The following INTS4 variants were observed in gnomAD, a reference collection of about 807,000 sequenced individuals.
INTS4 encodes integrator complex subunit 4, also known as MSTP093.
INTS4 carries 70 observed loss-of-function variants against 119.5 expected under a neutral mutation model. The observed-to-expected ratio is 0.59, with a 90% CI of 0.48 to 0.71. The LOEUF (loss-of-function observed/expected upper bound fraction) is 0.71. Ranked by LOEUF, INTS4 falls within the 30% of genes least tolerant of loss-of-function variation. INTS4 has a pLI of 0.00. For missense variants in INTS4, 867 were observed against 1,173.2 expected (o/e 0.74, Z 3.81); for synonymous variants, 316 against 419.6 (o/e 0.75, Z 3.02).
At position 77,901,570 on chromosome 11, in the gene INTS4, TAACA is replaced by T. The variant is rs751303145; in HGVS notation, c.2098-23_2098-20del. 2 of 1,558,732 alleles carry T rather than the reference TAACA, an allele frequency of 1.3e-6. No homozygotes were observed. Among genetic ancestry groups the T allele is most frequent in the African/African-American group, 2.7e-5 (2 of 73,714 alleles). On this transcript the variant is annotated intron_variant, in intron 17 of 22. Transcript: ENST00000534064. ...CCATAATCTATAAAGGAAAGATAAT[TAACA>T]ATCAATAAAAATATCATAGTCTTAC... is the stretch of plus-strand genomic sequence containing the variant.
In INTS4 at chr11:77,900,346, A is replaced by G. The variant is rs536140857; in HGVS notation, c.2228+1075T>C. Among the ~76,000 whole-genome samples, 6 of 152,180 alleles carry G rather than the reference A, an allele frequency of 3.9e-5. No homozygotes were observed. In the East Asian group the frequency reaches 5.8e-4, roughly 15 times the overall value. ...GATCTCCTGACCTCGTGATCTGCCC[A>G]CCTTGGCCTCCCAAAGTGCTGGGAT... On this transcript the variant is annotated intron_variant, in intron 18 of 22. Coordinates refer to ENST00000534064, the MANE Select transcript of INTS4 (RefSeq NM_033547.4).
At position 77,920,166 on chromosome 11, in the gene INTS4, TATATAC is replaced by T. The variant is rs1053328734; in HGVS notation, c.1764+1168_1764+1173del. Among the ~76,000 whole-genome samples, 30 of 148,838 alleles carry T rather than the reference TATATAC, an allele frequency of 2.0e-4. No homozygotes were observed. The East Asian group carries it at 2.2e-3, about 11-fold the overall frequency. On this transcript the variant is annotated intron_variant, in intron 14 of 22. Transcript: ENST00000534064. ...CTAACCATATATATATATACACATA[TATATAC>T]ATATACATATACACATATATATACA...
rs1247491257 is a variant in INTS4, at chr11:77,920,278, C to T, written c.1764+1062G>A. 3.5e-5 allele frequency among the ~76,000 whole-genome samples: 5 copies of T among 141,654 alleles called. No homozygotes were observed. The South Asian group carries it at 8.7e-4, about 25-fold the overall frequency. The allele number at this position is 141,654 out of a possible 152,430, so 92.9% of individuals were successfully genotyped here. A position where few individuals can be genotyped will look rare whatever the true frequency, so the allele number is the denominator to read the frequency against. On this transcript the variant is annotated intron_variant, in intron 14 of 22. Transcript: ENST00000534064. ...ATATACATATATACACATATATATA[C>T]ACATATATATATATACACACATATA...
chr11:77,968,643 T>C (rs1194517267), intron 4 of INTS4, among the ~76,000 whole-genome samples: 2 of 152,244 alleles, frequency 1.3e-5, no homozygotes, highest in Non-Finnish European at 2.9e-5. Flanking sequence ...GTTGACATGG[T>C]AAATTTTATG....
intron 8 of INTS4, among the ~76,000 whole-genome samples, chr11:77,954,958 G>A (rs1287975216): frequency 6.6e-6 from 1 of 152,108 alleles, no homozygotes; most frequent in African/African-American, 2.4e-5. Context: ...TTAATTCCTA[G>A]TAGGGTTAAT....
At chr11:77,878,573 G>C, downstream of INTS4, 1 of 520,780 alleles carries the variant, frequency 1.9e-6, no homozygotes, top group Non-Finnish European at 3.4e-6. Flanking sequence ...GTCACTTTAA[G>C]AAATAAGACT....
chr11:77,951,729 C>T (rs1295759015), intron 8 of INTS4, among the ~76,000 whole-genome samples: 3 of 152,070 alleles, frequency 2.0e-5, no homozygotes, highest in African/African-American at 7.2e-5. Context: ...AACAGGCAAC[C>T]TACAGAATGG....
intron 4 of INTS4, among the ~76,000 whole-genome samples, chr11:77,973,047 G>A (rs1278409524): frequency 6.6e-6 from 1 of 152,018 alleles, no homozygotes; most frequent in Non-Finnish European, 1.5e-5. Context: ...TCACTGAGTT[G>A]CCCAGGCTGG....
At chr11:77,944,223 A>G (rs1419157126) in intron 8 of INTS4, among the ~76,000 whole-genome samples, 1 of 152,192 alleles carries the variant, frequency 6.6e-6, no homozygotes, top group Non-Finnish European at 1.5e-5. Context: ...TCACTTTTTA[A>G]GCAAGATAGA....
intron 7 of INTS4, among the ~76,000 whole-genome samples, chr11:77,957,661 TTC>T (rs1165742536): frequency 7.7e-5 from 11 of 143,482 alleles, no homozygotes; most frequent in African/African-American, 2.6e-4. Flanking sequence ...GTAACTGAAC[TTC>T]TTTTTTTTTT....
chr11:77,934,116 T>C (rs1477395761), intron 10 of INTS4, among the ~76,000 whole-genome samples: 2 of 152,022 alleles, frequency 1.3e-5, no homozygotes, highest in African/African-American at 4.8e-5. Flanking sequence ...CTCTGAAACA[T>C]GTGCTGTGTC....
downstream of INTS4, among the ~76,000 whole-genome samples, chr11:77,875,414 A>G (rs1410005707): frequency 1.3e-5 from 2 of 152,210 alleles, no homozygotes; most frequent in African/African-American, 4.8e-5. Flanking sequence ...TACTGTAGTT[A>G]CCAAGGTTTT....
intron 21 of INTS4, among the ~76,000 whole-genome samples, chr11:77,890,698 C>G (rs958008648): frequency 6.6e-6 from 1 of 152,124 alleles, no homozygotes; most frequent in Non-Finnish European, 1.5e-5. Flanking sequence ...GCAACCACAG[C>G]ACTTAGTGCA....
At chr11:77,877,346 A>C (rs1227390432), downstream of INTS4, among the ~76,000 whole-genome samples, 1 of 152,256 alleles carries the variant, frequency 6.6e-6, no homozygotes, top group Non-Finnish European at 1.5e-5. Context: ...TTTAAATTCC[A>C]GCTCCACCTC....
At chr11:77,983,413 G>C (rs1856320306) in intron 2 of INTS4, among the ~76,000 whole-genome samples, 1 of 152,112 alleles carries the variant, frequency 6.6e-6, no homozygotes. Flanking sequence ...TCTTCTTCTA[G>C]TTCTTTAAGT....
chr11:77,977,515 GA>G (rs546684735), intron 4 of INTS4, among the ~76,000 whole-genome samples: 16 of 150,988 alleles, frequency 1.1e-4, no homozygotes, highest in African/African-American at 2.2e-4. Flanking sequence ...TGTATTTAAA[GA>G]AAAAAAATGG....
At chr11:77,919,936 G>A (rs1225740123) in intron 14 of INTS4, among the ~76,000 whole-genome samples, 1 of 151,880 alleles carries the variant, frequency 6.6e-6, no homozygotes, top group Non-Finnish European at 1.5e-5. Flanking sequence ...AGCTTCCCGA[G>A]TAGCTAGGAC....
chr11:77,924,608 G>A (rs1355566663), intron 12 of INTS4, 142 bp downstream of exon 12: 6 of 638,678 alleles, frequency 9.4e-6, no homozygotes, highest in African/African-American at 3.7e-5. Flanking sequence ...CTGAGAGTTC[G>A]GTTAAGTTGA....
intron 15 of INTS4, among the ~76,000 whole-genome samples, chr11:77,912,639 CA>C (rs1356245390): frequency 1.3e-5 from 2 of 151,924 alleles, no homozygotes; most frequent in African/African-American, 4.8e-5. Context: ...CTCTAAAAAT[CA>C]AATTTATAAT....
Sources: allele counts gnomAD v4.1 joint callset (sites outside exome capture counted in the v4.1 genomes callset), GRCh38; gene constraint gnomAD v4.1.1; transcripts MANE v1.5; gene names NCBI Gene and HGNC (gene_info 2026-07-23, HGNC 2026-07-21).